Variants in SLC38A8 observed in about 807,000 individuals in gnomAD.
SLC38A8 encodes the protein solute carrier family 38 member 8.
A neutral mutation model predicts 46.0 loss-of-function variants in SLC38A8; 65 were observed. That is an observed-to-expected ratio of 1.41 (90% CI 1.16 to 1.74). The LOEUF (loss-of-function observed/expected upper bound fraction) is 1.74. Ranked by LOEUF, SLC38A8 falls within the 40% of genes most tolerant of loss-of-function variation. The pLI, the probability that SLC38A8 is intolerant of heterozygous loss-of-function variation, is 0.00. For missense variants in SLC38A8, 998 were observed against 567.9 expected (o/e 1.76, Z -7.70); for synonymous variants, 447 against 243.7 (o/e 1.83, Z -7.77).
intron 5 of SLC38A8, among the ~76,000 whole-genome samples, chr16:84,031,288 G>A (rs1480074495): frequency 6.6e-6 from 1 of 152,092 alleles, no homozygotes; most frequent in Non-Finnish European, 1.5e-5. Context: ...TGATCCACCT[G>A]CCTCAGCCTC....
intron 8 of SLC38A8, 124 bp downstream of exon 8, chr16:84,017,016 T>A: frequency 7.4e-7 from 1 of 1,344,182 alleles, no homozygotes. Context: ...GCCTGTTTCC[T>A]CCTGTCTACA....
chr16:84,039,788 G>A (rs887384335), intron 2 of SLC38A8: 2 of 146,362 alleles, frequency 1.4e-5, no homozygotes, highest in African/African-American at 5.0e-5. Flanking sequence ...AGGTGTGGGG[G>A]GCAAGGAAGC....
chr16:84,026,864 G>C (rs970254703), intron 6 of SLC38A8, among the ~76,000 whole-genome samples: 3 of 152,190 alleles, frequency 2.0e-5, no homozygotes, highest in African/African-American at 7.2e-5. Flanking sequence ...AGAAGTGCAA[G>C]AGCTGCGGGC....
chr16:84,026,473 C>G (rs1379055582), intron 6 of SLC38A8, among the ~76,000 whole-genome samples: 1 of 152,186 alleles, frequency 6.6e-6, no homozygotes, highest in Non-Finnish European at 1.5e-5. Flanking sequence ...GTGATCCACC[C>G]GCCTCGGCCT....
At chr16:84,033,562 C>T in intron 3 of SLC38A8, 93 bp from the exon 4 acceptor site, 5 of 1,403,506 alleles carry the variant, frequency 3.6e-6, no homozygotes, top group Non-Finnish European at 4.8e-6. Flanking sequence ...TGGGGTTGGA[C>T]ATCCACCCTC....
rs560150823 is a variant in SLC38A8 at position 84,033,557 on chromosome 16, T to G, written c.389-88A>C. 12 of 1,448,044 alleles carry G rather than the reference T, an allele frequency of 8.3e-6. No individual in the cohort carries two copies. In the East Asian group the frequency reaches 2.7e-4, roughly 32 times the overall value. 89.7% of individuals were successfully genotyped at this position (1,448,044 alleles called of 1,614,324 possible). On this transcript the variant is annotated intron_variant, in intron 3 of 10. Transcript: ENST00000299709. ...CCTGGCCCTTCAACCCTGGCTGGGG[T>G]TGGACATCCACCCTCAGCCAGCCCC... is the stretch of plus-strand genomic sequence containing the variant.
intron 6 of SLC38A8, among the ~76,000 whole-genome samples, chr16:84,025,766 G>C (rs903127978): frequency 6.6e-5 from 10 of 152,246 alleles, no homozygotes; most frequent in African/African-American, 2.4e-4. Context: ...TGGAAATATA[G>C]GAGGGCACAG....
chr16:84,037,884 T>C (rs184932582), intron 2 of SLC38A8, among the ~76,000 whole-genome samples: 117 of 146,622 alleles, frequency 8.0e-4, no homozygotes, highest in African/African-American at 2.7e-3. Context: ...CCTCGGCTCA[T>C]TGCAACCTCC....
chr16:84,042,294 C>G (rs2085377012), intron 1 of SLC38A8, 135 bp from the exon 2 acceptor site: 2 of 933,194 alleles, frequency 2.1e-6, no homozygotes, highest in Admixed American at 6.1e-5. Context: ...GGCGTCAGCT[C>G]CCCCTTTCCA....
intron 7 of SLC38A8, among the ~76,000 whole-genome samples, chr16:84,018,508 C>G (rs542758072): frequency 6.6e-6 from 1 of 152,064 alleles, no homozygotes; most frequent in Non-Finnish European, 1.5e-5. Context: ...CATGAGCCAC[C>G]GTGCCTGGCC....
chr16:84,027,649 G>C (rs1416373147), intron 6 of SLC38A8, among the ~76,000 whole-genome samples: 1 of 152,072 alleles, frequency 6.6e-6, no homozygotes, highest in African/African-American at 2.4e-5. Flanking sequence ...TTCAGATCCT[G>C]GCAGCCCCCA....
At chr16:84,022,632 G>C in intron 7 of SLC38A8, 143 bp downstream of exon 7, 1 of 645,276 alleles carries the variant, frequency 1.5e-6, no homozygotes, top group South Asian at 1.9e-5. Context: ...CTTTTCCTAT[G>C]CACACTAAGG....
intron 6 of SLC38A8, among the ~76,000 whole-genome samples, chr16:84,028,447 T>G (rs1341936063): frequency 6.6e-6 from 1 of 151,358 alleles, no homozygotes; most frequent in Non-Finnish European, 1.5e-5. Flanking sequence ...TAGCCAGGCA[T>G]GGTGGTGCAC....
intron 2 of SLC38A8, among the ~76,000 whole-genome samples, chr16:84,040,267 T>C (rs1377233947): frequency 2.0e-5 from 3 of 152,192 alleles, no homozygotes; most frequent in Admixed American, 1.3e-4. Flanking sequence ...CGGGAGCGTG[T>C]CAAGAGCCAG....
At chr16:84,020,629 T>C (rs1358070904) in intron 7 of SLC38A8, among the ~76,000 whole-genome samples, 1 of 152,206 alleles carries the variant, frequency 6.6e-6, no homozygotes, top group Non-Finnish European at 1.5e-5. Context: ...CGAGGATCTC[T>C]GTGCCAGGGT....
At chr16:84,039,677 G>A (rs1264225132) in intron 2 of SLC38A8, among the ~76,000 whole-genome samples, 1 of 151,350 alleles carries the variant, frequency 6.6e-6, no homozygotes, top group African/African-American at 2.4e-5. Context: ...GAACCAGGGA[G>A]GCGGAGGTTG....
At chr16:84,018,643 T>G (rs929079627) in intron 7 of SLC38A8, among the ~76,000 whole-genome samples, 12 of 152,168 alleles carry the variant, frequency 7.9e-5, no homozygotes, top group Admixed American at 2.0e-4. Context: ...CAGCTGGACC[T>G]AGAAACTAAA....
intron 5 of SLC38A8, 25 bp downstream of exon 5, chr16:84,031,842 C>A (rs769393538): frequency 1.9e-6 from 3 of 1,606,998 alleles, no homozygotes; most frequent in Non-Finnish European, 2.6e-6. Flanking sequence ...GCCGAGGCTG[C>A]CGGAAGCTGT....
chr16:84,035,604 T>C (rs1404845349), intron 3 of SLC38A8, among the ~76,000 whole-genome samples: 1 of 152,010 alleles, frequency 6.6e-6, no homozygotes, highest in African/African-American at 2.4e-5. Context: ...TATAAACACA[T>C]TTAACAAAAA....
Sources: allele counts gnomAD v4.1 joint callset (sites outside exome capture counted in the v4.1 genomes callset), GRCh38; gene constraint gnomAD v4.1.1; transcripts MANE v1.5; gene names NCBI Gene and HGNC (gene_info 2026-07-23, HGNC 2026-07-21).